The following OSBP2 variants were observed in gnomAD, a reference collection of about 807,000 sequenced individuals.
The protein encoded by OSBP2 is oxysterol-binding protein 2.
Under a neutral mutation model 96.0 loss-of-function variants are expected in OSBP2, and 66 were observed. That is an observed-to-expected ratio of 0.69 (90% confidence interval 0.56 to 0.84). OSBP2 has a LOEUF of 0.84. Ranked by LOEUF, OSBP2 falls within the 40% of genes least tolerant of loss-of-function variation. The probability of loss-of-function intolerance (pLI) is 0.00; values close to 1 mark genes in which losing one functional copy is unlikely to be tolerated. For synonymous variants in OSBP2, 525 were observed against 520.9 expected, an observed-to-expected ratio of 1.01 and a Z score of -0.11; for missense variants, 1,038 against 1,222.7, an observed-to-expected ratio of 0.85 and a Z score of 2.25.
intron 2 of OSBP2, among the ~76,000 whole-genome samples, chr22:30,779,174 C>T (rs987331786): frequency 4.0e-5 from 6 of 151,104 alleles, no homozygotes; most frequent in African/African-American, 1.2e-4. Context: ...CTCTGCCCAC[C>T]GGGTTCAAGT....
At position 30,871,017 on chromosome 22, in the gene OSBP2, A is replaced by G. The variant is rs2039447053; in HGVS notation, c.1107+335A>G. Among the ~76,000 whole-genome samples the G allele has an allele frequency of 6.6e-6, 1 of 151,964 alleles. No individual in the cohort carries two copies. Among genetic ancestry groups the G allele is most frequent in the African/African-American group, 2.4e-5 (1 of 41,330 alleles). On this transcript the variant is annotated intron_variant, in intron 3 of 13. Transcript: ENST00000332585. This position sits in a 1 kb window ranked among gnomAD's most constrained non-coding sequence, Gnocchi z 4.7. ...AGCCCAGCAGGTCAGTTCTGCCCAC[A>G]CAGTAGGGACACAGCTGCCACACTG...
At chr22:30,896,085 T>C (rs2040061804) in intron 12 of OSBP2, among the ~76,000 whole-genome samples, 1 of 150,824 alleles carries the variant, frequency 6.6e-6, no homozygotes, top group South Asian at 2.2e-4. Flanking sequence ...AGTGGCATGA[T>C]CTTGGCTCAC....
At chr22:30,887,355 G>A (rs1003136061) in intron 3 of OSBP2, 71 bp from the exon 4 acceptor site, 1 of 1,374,700 alleles carries the variant, frequency 7.3e-7, no homozygotes, top group African/African-American at 1.4e-5. Flanking sequence ...AGTTGCTCTG[G>A]TTCACATGCC....
chr22:30,725,218 T>G (rs1236263600), intron 1 of OSBP2, among the ~76,000 whole-genome samples: 12 of 138,866 alleles, frequency 8.6e-5, no homozygotes, highest in Non-Finnish European at 1.7e-4. Flanking sequence ...CAAAAACAAA[T>G]TATAGGCTGG....
intron 12 of OSBP2, among the ~76,000 whole-genome samples, chr22:30,896,336 AAC>A (rs2040067379): frequency 6.6e-6 from 1 of 152,094 alleles, no homozygotes; most frequent in South Asian, 2.1e-4. Context: ...TTATTTTTTA[AAC>A]AACTACTAGG....
At chr22:30,851,847 C>T (rs2038984348) in intron 2 of OSBP2, among the ~76,000 whole-genome samples, 2 of 152,024 alleles carry the variant, frequency 1.3e-5, no homozygotes, top group Admixed American at 6.5e-5. Flanking sequence ...TCCTAGTTTT[C>T]TGTTTTTATC....
intron 2 of OSBP2, among the ~76,000 whole-genome samples, chr22:30,827,689 A>G (rs929240221): frequency 3.3e-5 from 5 of 152,200 alleles, no homozygotes; most frequent in Admixed American, 3.3e-4. Flanking sequence ...GCCCGTGGGC[A>G]TGGGACAAGT....
intron 2 of OSBP2, among the ~76,000 whole-genome samples, chr22:30,788,723 T>C (rs961330722): frequency 1.3e-5 from 2 of 152,134 alleles, no homozygotes; most frequent in African/African-American, 2.4e-5. Context: ...ATTTATTTAT[T>C]TATTTTTGAG....
chr22:30,804,437 A>G (rs1276966669), intron 2 of OSBP2, among the ~76,000 whole-genome samples: 1 of 152,190 alleles, frequency 6.6e-6, no homozygotes, highest in Admixed American at 6.5e-5. Context: ...TCCTTGGATC[A>G]TTGGATGCCT....
chr22:30,812,159 A>G (rs1278093127), intron 2 of OSBP2, among the ~76,000 whole-genome samples: 1 of 151,320 alleles, frequency 6.6e-6, no homozygotes, highest in East Asian at 1.9e-4. Flanking sequence ...CAGCCTTCTC[A>G]TTTTTATTTT....
rs1333369466 is a variant in OSBP2 at position 30,871,820 on chromosome 22, C to G, written c.1107+1138C>G. 6.6e-6 allele frequency among the ~76,000 whole-genome samples: 1 copy of G among 152,238 alleles called. No homozygotes were observed. The highest frequency in any genetic ancestry group is 1.5e-5 in the Non-Finnish European group (1 of 68,046). ...AGGCTAAAACCTGGGCATCCAAGAC[C>G]TGCCCCAAGCCGGCTTCACTGGCCT... On this transcript the variant is annotated intron_variant, in intron 3 of 13. Coordinates refer to ENST00000332585, the MANE Select transcript of OSBP2 (RefSeq NM_030758.4). This position sits in a 1 kb window ranked among gnomAD's most constrained non-coding sequence, Gnocchi z 4.7.
At chr22:30,794,795 A>C (rs1274944081) in intron 2 of OSBP2, among the ~76,000 whole-genome samples, 1 of 145,842 alleles carries the variant, frequency 6.9e-6, no homozygotes, top group Admixed American at 6.8e-5. Flanking sequence ...AGACCGTCTC[A>C]AAAAAAAAAA....
chr22:30,843,159 T>G (rs768846583), intron 2 of OSBP2, among the ~76,000 whole-genome samples: 1 of 152,282 alleles, frequency 6.6e-6, no homozygotes, highest in Non-Finnish European at 1.5e-5. Flanking sequence ...TGCAGTTACT[T>G]CCTCCACTGA....
intron 2 of OSBP2, among the ~76,000 whole-genome samples, chr22:30,779,586 C>G (rs1230217289): frequency 6.6e-6 from 1 of 152,152 alleles, no homozygotes; most frequent in Non-Finnish European, 1.5e-5. Flanking sequence ...ACATTCCTGC[C>G]TCAGCCACTT....
At chr22:30,852,008 G>A (rs1019314457) in intron 2 of OSBP2, among the ~76,000 whole-genome samples, 8 of 151,960 alleles carry the variant, frequency 5.3e-5, no homozygotes, top group South Asian at 2.1e-4. Context: ...AACCTTGCAC[G>A]CCTGAGATAA....
intron 2 of OSBP2, among the ~76,000 whole-genome samples, chr22:30,774,302 C>G (rs931582902): frequency 6.6e-6 from 1 of 152,180 alleles, no homozygotes; most frequent in Admixed American, 6.5e-5. Context: ...CTGGCGAAAG[C>G]CTTGCCTAGG....
At chr22:30,751,182 G>A (rs943112673) in intron 2 of OSBP2, among the ~76,000 whole-genome samples, 12 of 151,952 alleles carry the variant, frequency 7.9e-5, no homozygotes, top group East Asian at 3.9e-4. Flanking sequence ...TTGAAGTTTC[G>A]TGTCTCCCTA....
intron 1 of OSBP2, among the ~76,000 whole-genome samples, chr22:30,699,458 A>G (rs1332047226): frequency 6.6e-6 from 1 of 152,180 alleles, no homozygotes; most frequent in Non-Finnish European, 1.5e-5. Flanking sequence ...AGAATTGTGA[A>G]TGTTCATCTT....
intron 2 of OSBP2, among the ~76,000 whole-genome samples, chr22:30,829,211 T>C (rs1024804009): frequency 6.6e-6 from 1 of 152,192 alleles, no homozygotes; most frequent in Non-Finnish European, 1.5e-5. Flanking sequence ...CGTGCAGGGC[T>C]GCTGTGGGCT....
Sources: allele counts gnomAD v4.1 joint callset (sites outside exome capture counted in the v4.1 genomes callset), GRCh38; gene constraint gnomAD v4.1.1; non-coding constraint Gnocchi (gnomAD v3.1); transcripts MANE v1.5; gene names NCBI Gene and HGNC (gene_info 2026-07-23, HGNC 2026-07-21).